The following ZNF512 variants were observed in gnomAD, a reference collection of about 807,000 sequenced individuals.
ZNF512 encodes zinc finger protein 512.
Under a neutral mutation model 77.5 loss-of-function variants are expected in ZNF512, and 25 were observed. The observed-to-expected ratio is 0.32, with a 90% CI of 0.23 to 0.45. The LOEUF is 0.45. Among genes scored for constraint, ZNF512 ranks in the 20% least tolerant of loss-of-function variants. The pLI, the probability that ZNF512 is intolerant of heterozygous loss-of-function variation, is 1.00. For missense variants in ZNF512, 483 were observed against 692.6 expected (o/e 0.70, Z 3.40); for synonymous variants, 246 against 239.9 (o/e 1.03, Z -0.24).
chr2:27,601,481 C>T (rs759919029), intron 7 of ZNF512, 39 bp downstream of exon 7: 12 of 1,215,270 alleles, frequency 9.9e-6, no homozygotes, highest in Non-Finnish European at 1.2e-5. Flanking sequence ...GTTTGGATGT[C>T]TTTTTTTTTT....
chr2:27,596,137 A>G (rs567197580), intron 2 of ZNF512, among the ~76,000 whole-genome samples: 11 of 152,206 alleles, frequency 7.2e-5, no homozygotes, highest in African/African-American at 2.6e-4. Context: ...TCTGTTCTTT[A>G]TGTCTTTGCT....
At chr2:27,608,067 G>C in intron 10 of ZNF512, 28 bp downstream of exon 10, 1 of 1,528,986 alleles carries the variant, frequency 6.5e-7, no homozygotes, top group South Asian at 1.3e-5. Context: ...ATCAATTTGG[G>C]AACCATTATG....
At chr2:27,610,540 G>A (rs1377132282) in intron 10 of ZNF512, among the ~76,000 whole-genome samples, 4 of 46,834 alleles carry the variant, frequency 8.5e-5, no homozygotes, top group African/African-American at 2.6e-4. Context: ...ATATATATGT[G>A]TGTGTATATA....
intron 2 of ZNF512, among the ~76,000 whole-genome samples, chr2:27,593,778 C>CTTTTTTTT (rs1671710293): frequency 1.4e-5 from 2 of 142,808 alleles, no homozygotes; most frequent in African/African-American, 5.3e-5. Context: ...ATCTTTCTTT[C>CTTTTTTTT]TTTCTTTTTT....
At chr2:27,598,284 CG>C in intron 3 of ZNF512, 30 bp downstream of exon 3, 1 of 1,577,746 alleles carries the variant, frequency 6.3e-7, no homozygotes, top group Non-Finnish European at 8.6e-7. Flanking sequence ...ATTCTGAAGA[CG>C]GGCCACTTCC....
intron 2 of ZNF512, among the ~76,000 whole-genome samples, chr2:27,592,234 G>A (rs905447128): frequency 1.3e-5 from 2 of 152,090 alleles, no homozygotes; most frequent in Non-Finnish European, 2.9e-5. Context: ...CAAGGGATCT[G>A]CCTGCCTCAG....
chr2:27,593,824 T>G lies in ZNF512; in HGVS notation c.90-4243T>G, dbSNP rs183555126. ...TTTAACCCTGAGTTGACACAGCACA[T>G]GTTTCAGAGAGCACAGGGTTGGGGG... On this transcript the variant is annotated intron_variant, in intron 2 of 13. Transcript: ENST00000355467. 2.7e-3 allele frequency among the ~76,000 whole-genome samples: 411 copies of G among 151,766 alleles called. 2 individuals are homozygous for G. Among genetic ancestry groups the G allele is most frequent in the African/African-American group, 9.5e-3 (391 of 41,308 alleles).
At chr2:27,611,559 A>G (rs1210852624) in intron 10 of ZNF512, among the ~76,000 whole-genome samples, 2 of 152,174 alleles carry the variant, frequency 1.3e-5, no homozygotes, top group Admixed American at 1.3e-4. Context: ...TTTTCTAAGT[A>G]TCTCAATGGC....
At chr2:27,608,756 G>T (rs1014830903) in intron 10 of ZNF512, among the ~76,000 whole-genome samples, 30 of 152,148 alleles carry the variant, frequency 2.0e-4, no homozygotes, top group Non-Finnish European at 2.6e-4. Flanking sequence ...ATTCTCCAGG[G>T]TATCAAGAAG....
chr2:27,612,712 T>C (rs939229871), intron 10 of ZNF512, among the ~76,000 whole-genome samples: 41 of 152,340 alleles, frequency 2.7e-4, no homozygotes, highest in African/African-American at 7.0e-4. Flanking sequence ...TACCAACTTA[T>C]TCCCTTGTAA....
At chr2:27,610,569 T>TATATATATATATATATATATACATA (rs70953871) in intron 10 of ZNF512, among the ~76,000 whole-genome samples, 9 of 15,798 alleles carry the variant, frequency 5.7e-4, no homozygotes, top group East Asian at 3.0e-3. Flanking sequence ...TATATATATA[T>TATATATATATATATATATATACATA]TTTTTTTTTT....
At chr2:27,599,367 T>G (rs1319795487) in intron 3 of ZNF512, among the ~76,000 whole-genome samples, 1 of 152,114 alleles carries the variant, frequency 6.6e-6, no homozygotes, top group Non-Finnish European at 1.5e-5. Flanking sequence ...ATGGATGATT[T>G]GGAATAGATA....
chr2:27,589,677 A>G (rs1671486917), intron 2 of ZNF512, among the ~76,000 whole-genome samples: 1 of 152,172 alleles, frequency 6.6e-6, no homozygotes, highest in Non-Finnish European at 1.5e-5. Flanking sequence ...CGTTTCTAGT[A>G]TAAGCATTTA....
At chr2:27,605,194 C>T (rs1205732206) in intron 9 of ZNF512, among the ~76,000 whole-genome samples, 1 of 152,166 alleles carries the variant, frequency 6.6e-6, no homozygotes, top group Non-Finnish European at 1.5e-5. Flanking sequence ...TGACTCATGC[C>T]TGTAATCCCA....
intron 10 of ZNF512, among the ~76,000 whole-genome samples, chr2:27,611,420 T>C (rs1174038340): frequency 2.0e-5 from 3 of 152,178 alleles, no homozygotes; most frequent in East Asian, 3.9e-4. Context: ...ATCATGACTC[T>C]CAGTGGTATT....
chr2:27,612,973 C>A (rs1236124089), intron 10 of ZNF512, among the ~76,000 whole-genome samples: 2 of 152,140 alleles, frequency 1.3e-5, no homozygotes, highest in Non-Finnish European at 2.9e-5. Context: ...CAGACCTATT[C>A]AAAGAGATAT....
intron 2 of ZNF512, among the ~76,000 whole-genome samples, chr2:27,591,670 A>G (rs1671587577): frequency 6.6e-6 from 1 of 152,154 alleles, no homozygotes; most frequent in Non-Finnish European, 1.5e-5. Context: ...CGGCCTCCCA[A>G]AGTGTCGGGA....
At chr2:27,614,903 C>CT (rs995668187) in intron 10 of ZNF512, among the ~76,000 whole-genome samples, 1 of 151,390 alleles carries the variant, frequency 6.6e-6, no homozygotes, top group African/African-American at 2.4e-5. Flanking sequence ...TACTCTGTAG[C>CT]TTTTTTTTCT....
chr2:27,605,472 G>T (rs1234982690), intron 9 of ZNF512, among the ~76,000 whole-genome samples: 1 of 151,496 alleles, frequency 6.6e-6, no homozygotes, highest in Non-Finnish European at 1.5e-5. Flanking sequence ...AAAATGAAAA[G>T]ATTGTTGTGT....
Sources: gnomAD v4.1 joint callset for allele counts (sites outside exome capture counted in the v4.1 genomes callset) on GRCh38, gnomAD v4.1.1 for gene constraint, MANE v1.5 for transcripts, NCBI Gene and HGNC (gene_info 2026-07-23, HGNC 2026-07-21) for gene names.